Variants in CAV3 observed in about 807,000 individuals in gnomAD.
The protein encoded by CAV3 is caveolin 3, also known as caveolin-3.
A neutral mutation model predicts 13.4 loss-of-function variants in CAV3; 10 were observed. The observed-to-expected ratio is 0.75, with a 90% confidence interval of 0.46 to 1.27. The LOEUF (loss-of-function observed/expected upper bound fraction) is 1.27, where lower values mean the gene tolerates loss of function less well. Among genes scored for constraint, CAV3 ranks in the 50% most tolerant of loss-of-function variants. CAV3 has a pLI of 0.00. For missense variants in CAV3, 162 were observed against 194.0 expected, an observed-to-expected ratio of 0.83 and a Z score of 0.98; for synonymous variants, 90 against 79.0, an observed-to-expected ratio of 1.14 and a Z score of -0.74.
intron 1 of CAV3, chr3:8,742,522 T>C (rs1708008216): frequency 8.8e-6 from 4 of 456,262 alleles, no homozygotes; most frequent in South Asian, 6.2e-5. Flanking sequence ...CGCAGACTCA[T>C]TTATAACTAA....
chr3:8,741,530 G>A (rs1364332407), intron 1 of CAV3, among the ~76,000 whole-genome samples: 2 of 152,134 alleles, frequency 1.3e-5, no homozygotes, highest in Non-Finnish European at 2.9e-5. Context: ...AATCGTCTCT[G>A]TGTAGAGTTG....
chr3:8,737,721 C>T (rs1707807183), intron 1 of CAV3, among the ~76,000 whole-genome samples: 1 of 152,144 alleles, frequency 6.6e-6, no homozygotes, highest in Non-Finnish European at 1.5e-5. Context: ...AATGTGCTGT[C>T]CCAGAGGACG....
intron 1 of CAV3, chr3:8,742,427 G>A (rs781263676): frequency 4.3e-5 from 18 of 422,584 alleles, no homozygotes; most frequent in Admixed American, 1.7e-4. Flanking sequence ...AGCCATTGGC[G>A]GTAGGATTAT....
At chr3:8,734,483 C>T (rs1038911413) in intron 1 of CAV3, among the ~76,000 whole-genome samples, 10 of 152,234 alleles carry the variant, frequency 6.6e-5, no homozygotes, top group African/African-American at 2.4e-4. Flanking sequence ...TATCTGTCCC[C>T]AAGGCCGAGG....
rs1708146233 is a variant in CAV3 at position 8,745,888 on chromosome 3, G to A, written c.*21G>A. On this transcript the variant is annotated 3_prime_UTR_variant, in exon 2 of 2. Coordinates refer to ENST00000343849, the MANE Select transcript of CAV3 (RefSeq NM_033337.3). This position sits in a 1 kb window ranked among gnomAD's most constrained non-coding sequence, Gnocchi z 4.8. ...TCTAAAGCCAGGTGGGGCAACAGCG[G>A]TGGCAGGGCAGGGGGTGGTGGGCCA... is the stretch of plus-strand genomic sequence containing the variant. 1 of 1,599,184 alleles carries A rather than the reference G, an allele frequency of 6.3e-7. No homozygotes were observed. The highest frequency in any genetic ancestry group is 1.3e-5 in the African/African-American group (1 of 74,740).
chr3:8,744,018 A>G (rs1017550045), intron 1 of CAV3, among the ~76,000 whole-genome samples: 1 of 152,134 alleles, frequency 6.6e-6, no homozygotes, highest in Non-Finnish European at 1.5e-5. Flanking sequence ...AACCAGGAAG[A>G]TTGAAGTTGG....
chr3:8,733,856 G>T lies in CAV3; in HGVS notation c.-21G>T, dbSNP rs1261961762. 1.6e-5 allele frequency: 24 copies of T among 1,507,060 alleles called. No individual in the cohort carries two copies. The highest frequency in any genetic ancestry group is 1.9e-5 in the Non-Finnish European group (21 of 1,082,532). The allele number at this position is 1,507,060 out of a possible 1,614,324, so 93.4% of individuals were successfully genotyped here. ...GGCCACACAGCTCGGATCTCCTCCT[G>T]TGGATCCCCCCAGCTCTGCGATGAT... On this transcript the variant is annotated 5_prime_UTR_variant, in exon 1 of 2. Coordinates refer to ENST00000343849, the MANE Select transcript of CAV3 (RefSeq NM_033337.3).
At position 8,742,451 on chromosome 3, in the gene CAV3, G is replaced by A. The variant is rs752877211; in HGVS notation, c.115-3075G>A. On this transcript the variant is annotated intron_variant, in intron 1 of 1. Coordinates refer to ENST00000343849, the MANE Select transcript of CAV3 (RefSeq NM_033337.3). ...CGGTAGGATTATTACTGTAAGTACT[G>A]TACTTACTACTGTAAGGAAAGGAGG... is the stretch of plus-strand genomic sequence containing the variant. 9.6e-5 allele frequency: 44 copies of A among 456,030 alleles called. 1 individual carries two copies. The highest frequency in any genetic ancestry group is 4.0e-4 in the South Asian group (26 of 64,442). The allele number at this position is 456,030 out of a possible 1,614,324, so 28.2% of individuals were successfully genotyped here.
chr3:8,736,379 C>T (rs1707755279), intron 1 of CAV3, among the ~76,000 whole-genome samples: 1 of 152,102 alleles, frequency 6.6e-6, no homozygotes, highest in South Asian at 2.1e-4. Context: ...TATCACAGTC[C>T]CTGGCACCCA....
At chr3:8,743,652 G>GT (rs1445697844) in intron 1 of CAV3, among the ~76,000 whole-genome samples, 1 of 152,172 alleles carries the variant, frequency 6.6e-6, no homozygotes, top group Non-Finnish European at 1.5e-5. Context: ...ACCACCCCGA[G>GT]TGAGGCCTCA....
rs139985460 is a variant in CAV3 at position 8,745,747 on chromosome 3, C to T, written c.336C>T (p.Ile112=). The T allele has an allele frequency of 1.8e-3, 2,942 of 1,614,120 alleles. 5 individuals carry two copies. Among genetic ancestry groups the T allele is most frequent in the Non-Finnish European group, 2.0e-3 (2,404 of 1,180,030 alleles). ...TGCCATGCATTAAGAGCTACCTGATCGAGATCCAGTGCATCAGCCACATCT... is the reference window on the plus strand; with the variant it reads ...TGCCATGCATTAAGAGCTACCTGATTGAGATCCAGTGCATCAGCCACATCT... ...AVVPCIKSYL[I]EIQCISHIYS... The change falls in exon 2 of 2, where the codon ATC becomes ATT. Residue 112 remains isoleucine (I), a synonymous_variant. Coordinates refer to ENST00000343849, the MANE Select transcript of CAV3 (RefSeq NM_033337.3). This position sits in a 1 kb window ranked among gnomAD's most constrained non-coding sequence, Gnocchi z 4.8.
intron 1 of CAV3, chr3:8,742,682 G>A (rs1020429671): frequency 2.1e-5 from 7 of 331,220 alleles, no homozygotes; most frequent in South Asian, 7.1e-5. Context: ...TCAAGAGGTA[G>A]TGTGCCTGGG....
chr3:8,743,978 C>T (rs1233739356), intron 1 of CAV3, among the ~76,000 whole-genome samples: 1 of 152,032 alleles, frequency 6.6e-6, no homozygotes, highest in Non-Finnish European at 1.5e-5. Context: ...GGATCCCCTC[C>T]CCATAACCAA....
chr3:8,743,276 A>G, intron 1 of CAV3, among the ~76,000 whole-genome samples: 1 of 152,158 alleles, frequency 6.6e-6, no homozygotes, highest in East Asian at 1.9e-4. Context: ...GAATACATGA[A>G]AGAAAAATGA....
intron 1 of CAV3, among the ~76,000 whole-genome samples, chr3:8,741,801 C>A (rs1033505052): frequency 2.6e-5 from 4 of 152,128 alleles, no homozygotes; most frequent in African/African-American, 7.2e-5. Context: ...CTCAAGCAAT[C>A]CCCCGCCCTG....
chr3:8,734,161 C>G lies in CAV3; in HGVS notation c.114+171C>G, dbSNP rs1558991. Among the ~76,000 whole-genome samples the G allele has an allele frequency of 0.17, 23,080 of 136,306 alleles. 1,987 individuals carry two copies. The highest frequency in any genetic ancestry group is 0.21 in the Non-Finnish European group (13,336 of 64,626). 89.4% of individuals were successfully genotyped at this position (136,306 alleles called of 152,430 possible). On this transcript the variant is annotated intron_variant, in intron 1 of 1. Transcript: ENST00000343849. ...CCACCCCACCCCCAAAAAAAGGCTT[C>G]TAAATCACCGAAGGATCTTTAGCAA...
intron 1 of CAV3, among the ~76,000 whole-genome samples, chr3:8,741,940 A>G (rs1301444338): frequency 6.6e-6 from 1 of 152,166 alleles, no homozygotes; most frequent in Non-Finnish European, 1.5e-5. Context: ...CAGAATGTGC[A>G]CCATCGTTCC....
chr3:8,744,445 A>ATTTTTTTT (rs141816229), intron 1 of CAV3, among the ~76,000 whole-genome samples: 458 of 111,318 alleles, frequency 4.1e-3, no homozygotes, highest in African/African-American at 7.7e-3. Context: ...TACCCGGCTA[A>ATTTTTTTT]TTTTTTTTTT....
chr3:8,735,456 C>T (rs867917140), intron 1 of CAV3, among the ~76,000 whole-genome samples: 28 of 152,318 alleles, frequency 1.8e-4, no homozygotes, highest in African/African-American at 6.5e-4. Flanking sequence ...ATGTGAAAAT[C>T]GATTCGCATG....
Sources: allele counts gnomAD v4.1 joint callset (sites outside exome capture counted in the v4.1 genomes callset), GRCh38; gene constraint gnomAD v4.1.1; non-coding constraint Gnocchi (gnomAD v3.1); transcripts MANE v1.5; gene names NCBI Gene and HGNC (gene_info 2026-07-23, HGNC 2026-07-21).